The following FBLN1 variants were observed in gnomAD, a reference collection of about 807,000 sequenced individuals.
FBLN1 encodes fibulin-1.
A neutral mutation model predicts 89.7 loss-of-function variants in FBLN1; 34 were observed. The ratio of observed to expected loss-of-function variants is 0.38; its 90% confidence interval spans 0.29 to 0.50. The LOEUF (loss-of-function observed/expected upper bound fraction) is 0.50. Ranked by LOEUF, FBLN1 falls within the 20% of genes least tolerant of loss-of-function variation. The pLI, the probability that FBLN1 is intolerant of heterozygous loss-of-function variation, is 0.92. For missense variants in FBLN1, 777 were observed against 988.1 expected, an observed-to-expected ratio of 0.79 and a Z score of 2.86; for synonymous variants, 393 against 391.3, an observed-to-expected ratio of 1.00 and a Z score of -0.05.
chr22:45,541,559 C>T (rs896272507), intron 9 of FBLN1, among the ~76,000 whole-genome samples, 187 bp downstream of exon 9: 2 of 152,220 alleles, frequency 1.3e-5, no homozygotes, highest in Non-Finnish European at 2.9e-5. Context: ...AGCCCGTCTA[C>T]TGCCTCAGCC....
At chr22:45,570,356 A>T in intron 14 of FBLN1, among the ~76,000 whole-genome samples, 1 of 39,726 alleles carries the variant, frequency 2.5e-5, no homozygotes, top group South Asian at 1.0e-3. Context: ...AAAAGAAAAG[A>T]AAAAAAAAAG....
intron 2 of FBLN1, among the ~76,000 whole-genome samples, chr22:45,522,174 C>T (rs955074585): frequency 3.3e-5 from 5 of 151,934 alleles, no homozygotes; most frequent in East Asian, 1.9e-4. Flanking sequence ...TTAGTAGAGA[C>T]GGGAGTTTCA....
intron 16 of FBLN1, among the ~76,000 whole-genome samples, chr22:45,591,331 G>T (rs1380341396): frequency 6.6e-6 from 1 of 151,036 alleles, no homozygotes; most frequent in Non-Finnish European, 1.5e-5. Context: ...CTGCAGAAAT[G>T]TTAGTTCCCA....
intron 1 of FBLN1, chr22:45,517,780 T>C (rs1027379289): frequency 1.3e-5 from 5 of 380,558 alleles, no homozygotes; most frequent in Non-Finnish European, 2.7e-5. Context: ...CCTGCCCCTT[T>C]GCTCCCAAGA....
rs146184670 is a variant in FBLN1 at position 45,581,269 on chromosome 22, T to A, written c.1972+4161T>A. Among the ~76,000 whole-genome samples, 1,922 of 152,236 alleles carry A rather than the reference T, an allele frequency of 0.013. 37 individuals are homozygous for A. Among genetic ancestry groups the A allele is most frequent in the African/African-American group, 0.044 (1,817 of 41,568 alleles). The stretch of plus-strand genomic sequence containing the variant: ...TATGGCTGCTGTCTGAGCCTCAGAC[T>A]TCCCCTCCAGCCTCCAGATCACCAC... On this transcript the variant is annotated intron_variant, in intron 16 of 16. Transcript: ENST00000327858. This position sits in a 1 kb window ranked among gnomAD's most constrained non-coding sequence, Gnocchi z 7.6.
Position 45,576,530 on chromosome 22 carries a change from C to G in FBLN1, c.1841-447C>G, listed in dbSNP as rs377617534. Among the ~76,000 whole-genome samples, 21 of 152,080 alleles carry G rather than the reference C, an allele frequency of 1.4e-4. 1 individual carries two copies. The East Asian group carries it at 1.6e-3, about 11-fold the overall frequency. On this transcript the variant is annotated intron_variant, in intron 15 of 16. Transcript: ENST00000327858. This position sits in a 1 kb window ranked among gnomAD's most constrained non-coding sequence, Gnocchi z 5.2. ...GATCTGGGAGATGGACACACACCCCCCAGAGAACCCAGGCCACCGCTCAGG... is the reference window on the plus strand; with the variant it reads ...GATCTGGGAGATGGACACACACCCCGCAGAGAACCCAGGCCACCGCTCAGG...
At chr22:45,596,046 T>G (rs939274064) in intron 16 of FBLN1, among the ~76,000 whole-genome samples, 1 of 152,170 alleles carries the variant, frequency 6.6e-6, no homozygotes, top group Non-Finnish European at 1.5e-5. Context: ...ATTTTTTGTA[T>G]TTTTAGTAGA....
In FBLN1 at chr22:45,577,374, A is replaced by G. The variant is rs1211020647; in HGVS notation, c.1972+266A>G. 6.6e-6 allele frequency among the ~76,000 whole-genome samples: 1 copy of G among 152,208 alleles called. No individual in the cohort carries two copies. Among genetic ancestry groups the G allele is most frequent in the Non-Finnish European group, 1.5e-5 (1 of 68,036 alleles). On this transcript the variant is annotated intron_variant, in intron 16 of 16. Transcript: ENST00000327858. The surrounding 1 kb of genome is among the most constrained non-coding windows in gnomAD (Gnocchi z 6.6). Reference sequence around the variant, plus strand: ...TCTGGGTCTCGGTCTCCCTGCCTATAACATGGGTGGGTTCCAGAGAGCGCT... The same window carrying G: ...TCTGGGTCTCGGTCTCCCTGCCTATGACATGGGTGGGTTCCAGAGAGCGCT...
intron 16 of FBLN1, among the ~76,000 whole-genome samples, chr22:45,594,688 T>A (rs573767287): frequency 8.6e-5 from 12 of 140,002 alleles, no homozygotes; most frequent in African/African-American, 3.6e-4. Context: ...GTGGATGGAT[T>A]GGTGGATAGA....
chr22:45,583,806 G>A lies in FBLN1; in HGVS notation c.1972+6698G>A, dbSNP rs1569265743. Among the ~76,000 whole-genome samples, 1 of 152,014 alleles carries A rather than the reference G, an allele frequency of 6.6e-6. No individual in the cohort carries two copies. Among genetic ancestry groups the A allele is most frequent in the East Asian group, 1.9e-4 (1 of 5,186 alleles). ...GCAGCATGAGAGAGAGAGAGAATGAGAGAGAGAGACAGAGAGAGACCTGTG... is the reference window on the plus strand; with the variant it reads ...GCAGCATGAGAGAGAGAGAGAATGAAAGAGAGAGACAGAGAGAGACCTGTG... On this transcript the variant is annotated intron_variant, in intron 16 of 16. Coordinates refer to ENST00000327858, the MANE Select transcript of FBLN1 (RefSeq NM_006486.3). The surrounding 1 kb of genome is among the most constrained non-coding windows in gnomAD (Gnocchi z 4.5).
In FBLN1 at chr22:45,572,631, C is replaced by T. The variant is rs1033539497; in HGVS notation, c.1698-1880C>T. Among the ~76,000 whole-genome samples, 12 of 152,242 alleles carry T rather than the reference C, an allele frequency of 7.9e-5. No individual in the cohort carries two copies. The highest frequency in any genetic ancestry group is 2.1e-4 in the South Asian group (1 of 4,832). Reference sequence around the variant, plus strand: ...AAGTGAAGTGGTAGAACCAGACTATCGGCATTTTGCAATCCTTGATGAATC... The same window carrying T: ...AAGTGAAGTGGTAGAACCAGACTATTGGCATTTTGCAATCCTTGATGAATC... On this transcript the variant is annotated intron_variant, in intron 14 of 16. Coordinates refer to ENST00000327858, the MANE Select transcript of FBLN1 (RefSeq NM_006486.3). The surrounding 1 kb of genome is among the most constrained non-coding windows in gnomAD (Gnocchi z 5.8).
rs1408884629 is a variant in FBLN1 at position 45,578,957 on chromosome 22, C to T, written c.1972+1849C>T. ...TCTCAGCAGCAGGGAGAAGCCACCC[C>T]GTATCAGATCATCAAAATATGATGC... On this transcript the variant is annotated intron_variant, in intron 16 of 16. Coordinates refer to ENST00000327858, the MANE Select transcript of FBLN1 (RefSeq NM_006486.3). The surrounding 1 kb of genome is among the most constrained non-coding windows in gnomAD (Gnocchi z 4.6). Among the ~76,000 whole-genome samples, 1 of 152,220 alleles carries T rather than the reference C, an allele frequency of 6.6e-6. No homozygotes were observed. Among genetic ancestry groups the T allele is most frequent in the East Asian group, 1.9e-4 (1 of 5,194 alleles).
chr22:45,524,376 A>C (rs2146957844), intron 2 of FBLN1, among the ~76,000 whole-genome samples: 1 of 152,258 alleles, frequency 6.6e-6, no homozygotes, highest in Non-Finnish European at 1.5e-5. Flanking sequence ...GAGCCCGCCC[A>C]CGCCAGCCCC....
intron 16 of FBLN1, among the ~76,000 whole-genome samples, chr22:45,596,586 C>T (rs1420255671): frequency 6.7e-6 from 1 of 148,766 alleles, no homozygotes; most frequent in Non-Finnish European, 1.5e-5. Flanking sequence ...ATACATATAT[C>T]AACATAAGAA....
rs1475983323 is a variant in FBLN1 at position 45,579,481 on chromosome 22, CG to C, written c.1972+2376del. 6.6e-6 allele frequency among the ~76,000 whole-genome samples: 1 copy of C among 152,250 alleles called. No individual in the cohort carries two copies. The highest frequency in any genetic ancestry group is 2.4e-5 in the African/African-American group (1 of 41,474). On this transcript the variant is annotated intron_variant, in intron 16 of 16. Coordinates refer to ENST00000327858, the MANE Select transcript of FBLN1 (RefSeq NM_006486.3). The surrounding 1 kb of genome is among the most constrained non-coding windows in gnomAD (Gnocchi z 5.5). ...CGGCTTCCCCCGGCACAGTTGGTCA[CG>C]GGTGCCCTGGTCTTTGGAATTCTGG...
At chr22:45,544,332 C>T (rs2088598527) in intron 11 of FBLN1, among the ~76,000 whole-genome samples, 2 of 152,152 alleles carry the variant, frequency 1.3e-5, no homozygotes, top group Non-Finnish European at 2.9e-5. Context: ...GATGATCCGC[C>T]CACCTCGGCC....
rs934671254 is a variant in FBLN1, at chr22:45,579,550, T to C, written c.1972+2442T>C. Among the ~76,000 whole-genome samples the C allele has an allele frequency of 6.6e-6, 1 of 152,178 alleles. No homozygotes were observed. Among genetic ancestry groups the C allele is most frequent in the African/African-American group, 2.4e-5 (1 of 41,452 alleles). On this transcript the variant is annotated intron_variant, in intron 16 of 16. Transcript: ENST00000327858. The surrounding 1 kb of genome is among the most constrained non-coding windows in gnomAD (Gnocchi z 5.5). ...GAGGGCCCCAGCCTGGCCCTTGGAATTGTCGTGCCTGTAGCCCTGTGTGCT... is the reference window on the plus strand; with the variant it reads ...GAGGGCCCCAGCCTGGCCCTTGGAACTGTCGTGCCTGTAGCCCTGTGTGCT...
intron 1 of FBLN1, among the ~76,000 whole-genome samples, chr22:45,507,389 C>T (rs2088036617): frequency 6.6e-6 from 1 of 152,222 alleles, no homozygotes; most frequent in African/African-American, 2.4e-5. Context: ...AACTCTCTGC[C>T]TCTGTTTCCT....
intron 1 of FBLN1, among the ~76,000 whole-genome samples, chr22:45,518,264 G>T (rs1388063893): frequency 6.6e-6 from 1 of 152,032 alleles, no homozygotes; most frequent in South Asian, 2.1e-4. Flanking sequence ...TGACCTGCTG[G>T]GCTGGGCTGG....
Sources: allele counts gnomAD v4.1 joint callset (sites outside exome capture counted in the v4.1 genomes callset), GRCh38; gene constraint gnomAD v4.1.1; non-coding constraint Gnocchi (gnomAD v3.1); transcripts MANE v1.5; gene names NCBI Gene and HGNC (gene_info 2026-07-23, HGNC 2026-07-21).